Variants in CDA observed in about 807,000 individuals in gnomAD.
CDA encodes cytidine deaminase.
CDA carries 7 observed loss-of-function variants against 15.0 expected under a neutral mutation model. The ratio of observed to expected loss-of-function variants is 0.47; its 90% CI spans 0.26 to 0.87. CDA has a LOEUF of 0.87. Ranked by LOEUF, CDA falls within the 40% of genes least tolerant of loss-of-function variation. CDA has a pLI of 0.15. For missense variants in CDA, 159 were observed against 182.7 expected (o/e 0.87, Z 0.75); for synonymous variants, 58 against 73.0 (o/e 0.79, Z 1.05).
At chr1:20,614,330 G>A (rs1284909748) in intron 3 of CDA, among the ~76,000 whole-genome samples, 1 of 152,122 alleles carries the variant, frequency 6.6e-6, no homozygotes. Context: ...GGCAAACAGG[G>A]GACACTGCAG....
At chr1:20,604,841 C>T (rs554027928) in intron 1 of CDA, 87 bp from the exon 2 acceptor site, 1 of 896,056 alleles carries the variant, frequency 1.1e-6, no homozygotes, top group South Asian at 1.4e-5. Context: ...TTCCTTCCTG[C>T]TTTGGAATGG....
intron 3 of CDA, among the ~76,000 whole-genome samples, chr1:20,614,600 G>T (rs533312977): frequency 3.9e-5 from 6 of 152,162 alleles, no homozygotes; most frequent in Non-Finnish European, 7.3e-5. Flanking sequence ...TTTTGAGCAT[G>T]ACATTTGAGC....
At chr1:20,606,247 A>T (rs1220802657) in intron 2 of CDA, among the ~76,000 whole-genome samples, 1 of 150,240 alleles carries the variant, frequency 6.7e-6, no homozygotes, top group Non-Finnish European at 1.5e-5. Context: ...AGGCAGGAAC[A>T]TGGCGTGAAC....
At position 20,618,606 on chromosome 1, in the gene CDA, G is replaced by A. The variant is rs1370646893; in HGVS notation, c.*38G>A. The A allele has an allele frequency of 4.1e-6, 5 of 1,231,282 alleles. No homozygotes were observed. The Admixed American group carries it at 5.0e-5, about 12-fold the overall frequency. The allele number at this position is 1,231,282 out of a possible 1,614,324, so 76.3% of individuals were successfully genotyped here. On this transcript the variant is annotated 3_prime_UTR_variant, in exon 4 of 4. Coordinates refer to ENST00000375071, the MANE Select transcript of CDA (RefSeq NM_001785.3). ...GCCCACTGCCTGTAACAGCCACCTG[G>A]AGAACTTCATAAAGATGTCTCACAG...
intron 1 of CDA, among the ~76,000 whole-genome samples, chr1:20,600,236 A>G (rs2052629911): frequency 6.6e-6 from 1 of 152,202 alleles, no homozygotes; most frequent in Admixed American, 6.5e-5. Flanking sequence ...ACGGCATGTC[A>G]GCAAAACCCA....
At chr1:20,598,568 T>C (rs1317088862) in intron 1 of CDA, among the ~76,000 whole-genome samples, 2 of 152,246 alleles carry the variant, frequency 1.3e-5, no homozygotes, top group Admixed American at 6.5e-5. Context: ...TTTCTCACAG[T>C]TCTGGAGGCT....
At chr1:20,610,289 T>TTTA (rs1557550522) in intron 2 of CDA, among the ~76,000 whole-genome samples, 2 of 146,868 alleles carry the variant, frequency 1.4e-5, no homozygotes, top group African/African-American at 4.9e-5. Flanking sequence ...ATTTTATTTT[T>TTTA]ATTTTTATTT....
At chr1:20,591,850 T>TTG (rs60924418) in intron 1 of CDA, among the ~76,000 whole-genome samples, 4 of 76,698 alleles carry the variant, frequency 5.2e-5, no homozygotes, top group Non-Finnish European at 8.6e-5. Flanking sequence ...TTTTTTTTTG[T>TTG]TTTTTTTTTT....
rs6688783 is a variant in CDA at position 20,605,160 on chromosome 1, C to T, written c.266+121C>T. 951 of 735,182 alleles carry T rather than the reference C, an allele frequency of 1.3e-3. 12 individuals are homozygous for T. The African/African-American group carries it at 0.015, about 12-fold the overall frequency. 45.5% of individuals were successfully genotyped at this position (735,182 alleles called of 1,614,324 possible). A position where few individuals can be genotyped will look rare whatever the true frequency, so the allele number is the denominator to read the frequency against. On this transcript the variant is annotated intron_variant, in intron 2 of 3. Transcript: ENST00000375071. ...TGTTTATTGTGGACTTCCTATGTGC[C>T]AGGCACTGTACAGGGCCCTGGGATG...
At chr1:20,593,030 G>A (rs1391634446) in intron 1 of CDA, among the ~76,000 whole-genome samples, 2 of 152,174 alleles carry the variant, frequency 1.3e-5, no homozygotes, top group Non-Finnish European at 2.9e-5. Context: ...GGAGTTCGAG[G>A]CTGCAGTGAG....
At chr1:20,594,273 G>A (rs2052572664) in intron 1 of CDA, among the ~76,000 whole-genome samples, 2 of 152,296 alleles carry the variant, frequency 1.3e-5, no homozygotes, top group Non-Finnish European at 2.9e-5. Flanking sequence ...AGGGCCTTGT[G>A]CCCCTCACAG....
chr1:20,608,097 AGG>A (rs1483903889), intron 2 of CDA, among the ~76,000 whole-genome samples: 1 of 152,216 alleles, frequency 6.6e-6, no homozygotes, highest in East Asian at 1.9e-4. Flanking sequence ...AGTGAAGGGC[AGG>A]GTAGAGGGAG....
intron 1 of CDA, among the ~76,000 whole-genome samples, chr1:20,598,254 A>G (rs2052607229): frequency 6.6e-6 from 1 of 152,176 alleles, no homozygotes. Flanking sequence ...ACCGCTATAA[A>G]AAGGGCTTAC....
chr1:20,610,215 A>G (rs66472824), intron 2 of CDA, among the ~76,000 whole-genome samples: 29,818 of 151,608 alleles, frequency 0.2, 3,011 homozygotes, highest in Middle Eastern at 0.26. Flanking sequence ...GACAATGCAT[A>G]TAAAATGCTT....
At position 20,590,119 on chromosome 1, in the gene CDA, CCT is replaced by C. The variant is rs1553141989; in HGVS notation, c.154+837_154+838del. ...GTGGAGGTACCCCTTGGTATTATTC[CCT>C]GTCTGTTGAGGTTCTGTCGGGTGTG... On this transcript the variant is annotated intron_variant, in intron 1 of 3. Transcript: ENST00000375071. Among the ~76,000 whole-genome samples the C allele has an allele frequency of 3.3e-5, 5 of 152,220 alleles. No homozygotes were observed. In the South Asian group the frequency reaches 1.0e-3, roughly 32 times the overall value.
At chr1:20,604,690 A>T (rs886271277) in intron 1 of CDA, among the ~76,000 whole-genome samples, 1 of 152,082 alleles carries the variant, frequency 6.6e-6, no homozygotes, top group Non-Finnish European at 1.5e-5. Flanking sequence ...GCTGTGCTTC[A>T]TCATGGAGGC....
intron 2 of CDA, 46 bp from the exon 3 acceptor site, chr1:20,613,789 TGTCCTCA>T (rs1386628367): frequency 8.5e-6 from 13 of 1,538,320 alleles, no homozygotes; most frequent in Non-Finnish European, 1.2e-5. Context: ...TCTTAGCAAT[TGTCCTCA>T]GTCCTTGGGA....
chr1:20,590,746 T>C (rs1487104681), intron 1 of CDA, among the ~76,000 whole-genome samples: 2 of 152,222 alleles, frequency 1.3e-5, no homozygotes, highest in Non-Finnish European at 1.5e-5. Flanking sequence ...ACGTAGCACC[T>C]GCCTGGCTCA....
At chr1:20,595,842 C>CA (rs1195136238) in intron 1 of CDA, among the ~76,000 whole-genome samples, 15,549 of 72,766 alleles carry the variant, frequency 0.21, 1,723 homozygotes, top group Middle Eastern at 0.31. Flanking sequence ...AAGACTCTCT[C>CA]AAAAAAAAAA....
Sources: allele counts gnomAD v4.1 joint callset (sites outside exome capture counted in the v4.1 genomes callset), GRCh38; gene constraint gnomAD v4.1.1; transcripts MANE v1.5; gene names NCBI Gene and HGNC (gene_info 2026-07-23, HGNC 2026-07-21).